The following KLHL32 variants were observed in gnomAD, a reference collection of about 807,000 sequenced individuals.
KLHL32 encodes the protein kelch-like protein 32.
KLHL32 carries 35 observed loss-of-function variants against 64.8 expected under a neutral mutation model. The observed-to-expected ratio is 0.54, with a 90% CI of 0.41 to 0.72. The LOEUF (loss-of-function observed/expected upper bound fraction) is 0.72. Ranked by LOEUF, KLHL32 falls within the 30% of genes least tolerant of loss-of-function variation. KLHL32 has a pLI of 0.00. For missense variants in KLHL32, 589 were observed against 768.5 expected (o/e 0.77, Z 2.76); for synonymous variants, 259 against 281.0 (o/e 0.92, Z 0.78).
the KLHL32 span, among the ~76,000 whole-genome samples, chr6:96,904,339 CAAAAAA>C: frequency 9.4e-6 from 1 of 106,094 alleles, no homozygotes; most frequent in Non-Finnish European, 1.9e-5. Flanking sequence ...AAGACTTTGT[CAAAAAA>C]AAAAAAAAAA....
rs1048268087 is a variant in KLHL32, at chr6:97,139,535, C to T, written c.*253C>T. On this transcript the variant is annotated 3_prime_UTR_variant, in exon 11 of 11. Transcript: ENST00000369261. ...GTGCCAATTTAAGGTATATTGTGTTCCATGGGTCTTTAGAGCATTCTTTGT... is the reference window on the plus strand; with the variant it reads ...GTGCCAATTTAAGGTATATTGTGTTTCATGGGTCTTTAGAGCATTCTTTGT... The T allele has an allele frequency of 1.4e-4, 53 of 391,754 alleles. No individual in the cohort carries two copies. The highest frequency in any genetic ancestry group is 8.6e-5 in the Admixed American group (2 of 23,128). 24.3% of individuals were successfully genotyped at this position (391,754 alleles called of 1,614,324 possible).
intron 4 of KLHL32, among the ~76,000 whole-genome samples, chr6:97,044,466 C>G (rs879302731): frequency 7.2e-5 from 11 of 151,968 alleles, no homozygotes; most frequent in Non-Finnish European, 1.5e-4. Flanking sequence ...CTGGAATTTT[C>G]TTTTCTTGTA....
At chr6:96,898,201 C>T in the KLHL32 span, among the ~76,000 whole-genome samples, 1 of 152,210 alleles carries the variant, frequency 6.6e-6, no homozygotes, top group African/African-American at 2.4e-5. Flanking sequence ...TAAGACTCCA[C>T]GTGATTCCAA....
chr6:97,013,160 TA>T (rs1267953473), intron 3 of KLHL32, among the ~76,000 whole-genome samples: 1 of 152,208 alleles, frequency 6.6e-6, no homozygotes, highest in African/African-American at 2.4e-5. Context: ...TTGTGAGAAA[TA>T]ACATTCCTTG....
At chr6:97,022,057 G>C (rs1024113568) in intron 3 of KLHL32, among the ~76,000 whole-genome samples, 2 of 150,930 alleles carry the variant, frequency 1.3e-5, no homozygotes, top group Non-Finnish European at 2.9e-5. Flanking sequence ...GAGTTTTGCA[G>C]TATCCTCCTA....
intron 3 of KLHL32, among the ~76,000 whole-genome samples, chr6:97,037,311 G>A (rs1784441767): frequency 6.6e-6 from 1 of 152,016 alleles, no homozygotes; most frequent in Admixed American, 6.6e-5. Flanking sequence ...AGATGGAAAT[G>A]AAGATCTCTA....
At chr6:96,968,765 T>C (rs1774777269) in intron 2 of KLHL32, among the ~76,000 whole-genome samples, 1 of 152,136 alleles carries the variant, frequency 6.6e-6, no homozygotes, top group South Asian at 2.1e-4. Flanking sequence ...TGAAAAGCTC[T>C]GTTTGCCTCC....
chr6:97,057,172 CTTTTTTTTTTTTTT>C (rs199552121), intron 4 of KLHL32, among the ~76,000 whole-genome samples: 2 of 65,016 alleles, frequency 3.1e-5, no homozygotes, highest in South Asian at 5.8e-4. Context: ...ATGTGAGTAT[CTTTTTTTTTTTTTT>C]TTTTTTTTTT....
chr6:97,096,841 CG>C (rs1423544867), intron 6 of KLHL32, among the ~76,000 whole-genome samples: 1 of 152,188 alleles, frequency 6.6e-6, no homozygotes, highest in African/African-American at 2.4e-5. Context: ...AGCAGTGAGA[CG>C]GGGGGAAAAC....
intron 1 of KLHL32, among the ~76,000 whole-genome samples, chr6:96,932,572 C>CT (rs1001598485): frequency 7.3e-6 from 1 of 136,578 alleles, no homozygotes; most frequent in African/African-American, 2.6e-5. Flanking sequence ...TTTCCCCCCC[C>CT]CCCTTTTTTT....
At chr6:96,929,300 A>C (rs1769551668) in intron 1 of KLHL32, among the ~76,000 whole-genome samples, 1 of 152,222 alleles carries the variant, frequency 6.6e-6, no homozygotes, top group African/African-American at 2.4e-5. Flanking sequence ...TCACAGATAT[A>C]TTTGGCAAGT....
chr6:96,992,291 C>G (rs546565505), intron 3 of KLHL32, among the ~76,000 whole-genome samples: 3 of 152,344 alleles, frequency 2.0e-5, no homozygotes, highest in African/African-American at 4.8e-5. Flanking sequence ...CTCTCACTGA[C>G]TCACTCACCG....
intron 3 of KLHL32, among the ~76,000 whole-genome samples, chr6:97,012,567 G>A (rs1053054976): frequency 3.3e-5 from 5 of 152,170 alleles, no homozygotes; most frequent in African/African-American, 9.7e-5. Context: ...TTTAAACCAC[G>A]AAGTTTGTGG....
chr6:96,980,728 A>G (rs1006745496), intron 3 of KLHL32, among the ~76,000 whole-genome samples: 4 of 152,292 alleles, frequency 2.6e-5, no homozygotes, highest in African/African-American at 7.2e-5. Flanking sequence ...TAGTTTTAGT[A>G]GGAATTGTAC....
Position 97,108,360 on chromosome 6 carries a change from T to C in KLHL32, c.628-5423T>C, listed in dbSNP as rs370969523. Among the ~76,000 whole-genome samples, 91 of 152,318 alleles carry C rather than the reference T, an allele frequency of 6.0e-4. 3 individuals are homozygous for C. In the South Asian group the frequency reaches 0.018, roughly 30 times the overall value. ...AAAGCCACCAGTTCCAAGAATAATT[T>C]TTTTCAAGCTTAAGCACCGAAATAT... On this transcript the variant is annotated intron_variant, in intron 6 of 10. Transcript: ENST00000369261.
At chr6:96,996,517 A>G (rs902597404) in intron 3 of KLHL32, among the ~76,000 whole-genome samples, 1 of 152,220 alleles carries the variant, frequency 6.6e-6, no homozygotes. Context: ...TAAAAATTCA[A>G]TAAATAAGTA....
rs548724099 is a variant in KLHL32, at chr6:97,034,975, T to A, written c.205-6517T>A. On this transcript the variant is annotated intron_variant, in intron 3 of 10. Coordinates refer to ENST00000369261, the MANE Select transcript of KLHL32 (RefSeq NM_052904.4). ...TTCACTTTTTCCTCTCCCATTTGGA[T>A]GCTTTTTATTTCTTTTTCTTGTTTA... Among the ~76,000 whole-genome samples, 65 of 152,178 alleles carry A rather than the reference T, an allele frequency of 4.3e-4. 1 individual carries two copies. The highest frequency in any genetic ancestry group is 1.6e-3 in the African/African-American group (65 of 41,582).
intron 7 of KLHL32, among the ~76,000 whole-genome samples, chr6:97,120,045 G>C (rs769599166): frequency 6.6e-6 from 1 of 152,038 alleles, no homozygotes; most frequent in Non-Finnish European, 1.5e-5. Flanking sequence ...GAAATTGAAG[G>C]TGTAGGGAGG....
At chr6:96,980,473 G>A (rs1444842794) in intron 3 of KLHL32, among the ~76,000 whole-genome samples, 2 of 151,290 alleles carry the variant, frequency 1.3e-5, no homozygotes, top group African/African-American at 4.9e-5. Flanking sequence ...TTATTTATTT[G>A]CATATAGTGA....
Sources: allele counts gnomAD v4.1 joint callset (sites outside exome capture counted in the v4.1 genomes callset), GRCh38; gene constraint gnomAD v4.1.1; transcripts MANE v1.5; gene names NCBI Gene and HGNC (gene_info 2026-07-23, HGNC 2026-07-21).